Variants in SIGLEC7 observed in about 807,000 individuals in gnomAD.
SIGLEC7 encodes sialic acid binding Ig like lectin 7.
In SIGLEC7, 33 loss-of-function variants were observed where a neutral mutation model predicts 40.8. That is an observed-to-expected ratio of 0.81 (90% CI 0.61 to 1.08). SIGLEC7 has a LOEUF of 1.08. Among genes scored for constraint, SIGLEC7 ranks in the 50% least tolerant of loss-of-function variants. The probability of loss-of-function intolerance (pLI) is 0.00; values close to 1 mark genes in which losing one functional copy is unlikely to be tolerated. For missense variants in SIGLEC7, 513 were observed against 576.1 expected, an observed-to-expected ratio of 0.89 and a Z score of 1.12; for synonymous variants, 242 against 237.6, an observed-to-expected ratio of 1.02 and a Z score of -0.17.
Position 51,147,252 on chromosome 19 carries a change from C to T in SIGLEC7, c.1156C>T (p.Pro386Ser). 1 of 1,612,700 alleles carries T rather than the reference C, an allele frequency of 6.2e-7. No individual in the cohort carries two copies. Among genetic ancestry groups the T allele is most frequent in the Non-Finnish European group, 8.5e-7 (1 of 1,179,128 alleles). ...GTCCTGCAGGAAGAAATCGGCAAGGCCAGCAGCGGACGTGGGAGACATAGG... is the reference window on the plus strand; with the variant it reads ...GTCCTGCAGGAAGAAATCGGCAAGGTCAGCAGCGGACGTGGGAGACATAGG... ...VRSCRKKSAR[P>S]AADVGDIGMK... The change falls in exon 6 of 7, where the codon CCA (proline) becomes TCA (serine). Residue 386 changes from proline (P) to serine (S), a missense_variant. By Grantham distance (74) the Pro-to-Ser change is moderately conservative. Transcript: ENST00000317643.
Position 51,142,828 on chromosome 19 carries a change from C to A in SIGLEC7, c.433+26C>A. On this transcript the variant is annotated intron_variant, in intron 1 of 6. Coordinates refer to ENST00000317643, the MANE Select transcript of SIGLEC7 (RefSeq NM_014385.4). The surrounding 1 kb of genome is among the most constrained non-coding windows in gnomAD (Gnocchi z 5.0). ...GTAAGGCACGGGCTCCAAGAGAGGC[C>A]AAAGGCAAATGTGATGAGGGCTTTA... is the stretch of plus-strand genomic sequence containing the variant. 1 of 1,562,018 alleles carries A rather than the reference C, an allele frequency of 6.4e-7. No individual in the cohort carries two copies.
rs1846934 is a variant in SIGLEC7 at position 51,145,440 on chromosome 19, C to T, written c.761-415C>T. ...GATCTCAGAGGTGGTTTGATGTCAG[C>T]AGTGAGACTGTTTGCACCCTCTTCT... On this transcript the variant is annotated intron_variant, in intron 3 of 6. Coordinates refer to ENST00000317643, the MANE Select transcript of SIGLEC7 (RefSeq NM_014385.4). This position sits in a 1 kb window ranked among gnomAD's most constrained non-coding sequence, Gnocchi z 4.3. 0.47 allele frequency among the ~76,000 whole-genome samples: 70,991 copies of T among 151,956 alleles called. 17,016 individuals are homozygous for T. The highest frequency in any genetic ancestry group is 0.51 in the African/African-American group (21,286 of 41,432).
At chr19:51,150,214 G>A (rs2092135106) in intron 6 of SIGLEC7, among the ~76,000 whole-genome samples, 1 of 152,202 alleles carries the variant, frequency 6.6e-6, no homozygotes, top group Non-Finnish European at 1.5e-5. Context: ...GGGCATCCTT[G>A]TCTTGTGCTG....
At position 51,146,824 on chromosome 19, in the gene SIGLEC7, C is replaced by A; in HGVS notation, c.1098C>A (p.Phe366Leu). 1 of 1,614,072 alleles carries A rather than the reference C, an allele frequency of 6.2e-7. No homozygotes were observed. The highest frequency in any genetic ancestry group is 8.5e-7 in the Non-Finnish European group (1 of 1,179,968). The stretch of plus-strand genomic sequence containing the variant: ...GAGCTGGAGCCACAGCCCTGGTCTT[C>A]CTCTCCTTCTGTGTCATCTTCATTG... ...VGGAGATALVFLSFCVIFIVV... is the reference protein window; with the variant it reads ...VGGAGATALVLLSFCVIFIVV... Residue 366 changes from phenylalanine to leucine, a missense_variant, in exon 5 of 7, where the codon TTC (phenylalanine) becomes TTA (leucine). Transcript: ENST00000317643.
At chr19:51,146,702 G>C in intron 4 of SIGLEC7, 52 bp from the exon 5 acceptor site, 1 of 1,526,058 alleles carries the variant, frequency 6.6e-7, no homozygotes, top group South Asian at 1.2e-5. Context: ...GGGAGGAGAA[G>C]AGACCCAGTT....
chr19:51,144,174 A>G, intron 1 of SIGLEC7: 1 of 756,036 alleles, frequency 1.3e-6, no homozygotes, highest in Non-Finnish European at 2.4e-6. Flanking sequence ...TGGAATTACA[A>G]AACGAAGCAG....
chr19:51,144,726 G>A (rs1405418040), intron 2 of SIGLEC7, 42 bp downstream of exon 2: 3 of 1,600,498 alleles, frequency 1.9e-6, no homozygotes, highest in Admixed American at 1.7e-5. Flanking sequence ...GATGAGGGGG[G>A]GACGTCCCTG....
intron 6 of SIGLEC7, among the ~76,000 whole-genome samples, chr19:51,149,909 A>G (rs1244027065): frequency 6.6e-6 from 1 of 152,058 alleles, no homozygotes; most frequent in Non-Finnish European, 1.5e-5. Flanking sequence ...TTTTGTGGCA[A>G]TTGTGAATGG....
chr19:51,147,132 G>A (rs928460452), intron 5 of SIGLEC7, 89 bp from the exon 6 acceptor site: 28 of 1,584,114 alleles, frequency 1.8e-5, no homozygotes, highest in East Asian at 2.3e-5. Context: ...CCCCTCCAGC[G>A]CCCCAACAGG....
chr19:51,147,461 T>A, intron 6 of SIGLEC7, 144 bp downstream of exon 6: 1 of 643,936 alleles, frequency 1.6e-6, no homozygotes, highest in Non-Finnish European at 2.6e-6. Flanking sequence ...CCTGCAGGAT[T>A]CCCCATCTTG....
At chr19:51,143,947 T>C in intron 1 of SIGLEC7, 1 of 471,816 alleles carries the variant, frequency 2.1e-6, no homozygotes, top group South Asian at 1.7e-5. Context: ...GAACTGACTC[T>C]AGCCCTGTCC....
Position 51,144,454 on chromosome 19 carries a change from G to C in SIGLEC7, c.482G>C (p.Gly161Ala), listed in dbSNP as rs2092091733. Residue 161 changes from glycine to alanine, a missense_variant, in exon 2 of 7, where the codon GGC becomes GCC. Transcript: ENST00000317643. The stretch of plus-strand genomic sequence containing the variant: ...CTTATCCCCGGTACCCTGGAGTCTG[G>C]CTGCTTCCAGAATCTGACCTGCTCT... ...NILIPGTLES[G>A]CFQNLTCSVP... 6.2e-7 allele frequency: 1 copy of C among 1,613,088 alleles called. No homozygotes were observed. Among genetic ancestry groups the C allele is most frequent in the South Asian group, 1.1e-5 (1 of 91,076 alleles).
Position 51,142,869 on chromosome 19 carries a change from G to A in SIGLEC7, c.433+67G>A, listed in dbSNP as rs2092079233. 6.8e-6 allele frequency: 10 copies of A among 1,476,652 alleles called. No individual in the cohort carries two copies. The highest frequency in any genetic ancestry group is 1.8e-4 in the Middle Eastern group (1 of 5,546). The allele number at this position is 1,476,652 out of a possible 1,614,324, so 91.5% of individuals were successfully genotyped here. The stretch of plus-strand genomic sequence containing the variant: ...GAGGGCTTTAGGGCACGGCTGAGAC[G>A]GGACACATGTCCTGGGAGGGGGCCG... On this transcript the variant is annotated intron_variant, in intron 1 of 6. Transcript: ENST00000317643. This position sits in a 1 kb window ranked among gnomAD's most constrained non-coding sequence, Gnocchi z 5.0.
At chr19:51,150,406 T>C (rs1175676076) in intron 6 of SIGLEC7, among the ~76,000 whole-genome samples, 2 of 152,228 alleles carry the variant, frequency 1.3e-5, no homozygotes, top group South Asian at 2.1e-4. Context: ...GAGATAATCA[T>C]GTGTTTTTGT....
chr19:51,145,814 A>C lies in SIGLEC7; in HGVS notation c.761-41A>C, dbSNP rs2092103594. 6.2e-7 allele frequency: 1 copy of C among 1,609,744 alleles called. No homozygotes were observed. Among genetic ancestry groups the C allele is most frequent in the Non-Finnish European group, 8.5e-7 (1 of 1,177,342 alleles). ...ATTCTGTATCCTTCCTCCCTGTTTC[A>C]ATCACTTTGTCTCTTTGAACCTCCA... On this transcript the variant is annotated intron_variant, in intron 3 of 6. Transcript: ENST00000317643. This position sits in a 1 kb window ranked among gnomAD's most constrained non-coding sequence, Gnocchi z 4.3.
chr19:51,147,706 C>A lies in SIGLEC7; in HGVS notation c.1221+389C>A, dbSNP rs376098735. On this transcript the variant is annotated intron_variant, in intron 6 of 6. Coordinates refer to ENST00000317643, the MANE Select transcript of SIGLEC7 (RefSeq NM_014385.4). ...TTCCTCACCTCCCTGCCTCTTGTGT[C>A]CCCTGCCCTGATGGGAGGAATCATT... 9.4e-4 allele frequency among the ~76,000 whole-genome samples: 143 copies of A among 152,236 alleles called. 1 individual carries two copies. In the East Asian group the frequency reaches 0.026, roughly 28 times the overall value.
chr19:51,153,331 C>T lies in SIGLEC7; in HGVS notation c.*86C>T. ...GGCTGATTCCAGTAGAATTAGCAGC[C>T]CTCAATGCTGTGCAACAAGACATCA... is the stretch of plus-strand genomic sequence containing the variant. On this transcript the variant is annotated 3_prime_UTR_variant, in exon 7 of 7. Coordinates refer to ENST00000317643, the MANE Select transcript of SIGLEC7 (RefSeq NM_014385.4). The T allele has an allele frequency of 9.3e-7, 1 of 1,078,018 alleles. No homozygotes were observed. Among genetic ancestry groups the T allele is most frequent in the Non-Finnish European group, 1.3e-6 (1 of 767,744 alleles). 66.8% of individuals were successfully genotyped at this position (1,078,018 alleles called of 1,614,324 possible).
At chr19:51,147,058 C>T in intron 5 of SIGLEC7, 163 bp from the exon 6 acceptor site, 3 of 1,165,514 alleles carry the variant, frequency 2.6e-6, no homozygotes, top group Non-Finnish European at 3.6e-6. Flanking sequence ...ACCCAGGAGG[C>T]AGGAGCCTCT....
At chr19:51,144,150 G>T in intron 1 of SIGLEC7, 1 of 736,144 alleles carries the variant, frequency 1.4e-6, no homozygotes, top group Non-Finnish European at 2.5e-6. Context: ...CAGGTGGAGA[G>T]AGGACAGATA....
Sources: allele counts gnomAD v4.1 joint callset (sites outside exome capture counted in the v4.1 genomes callset), GRCh38; gene constraint gnomAD v4.1.1; non-coding constraint Gnocchi (gnomAD v3.1); transcripts MANE v1.5; gene names NCBI Gene and HGNC (gene_info 2026-07-23, HGNC 2026-07-21).